MYO16: variants seen among roughly 807,000 people sequenced by gnomAD.
The protein encoded by MYO16 is myosin XVI.
A neutral mutation model predicts 205.3 loss-of-function variants in MYO16; 94 were observed. The observed-to-expected ratio is 0.46, with a 90% CI of 0.39 to 0.54. The LOEUF is 0.54. MYO16 is among the 20% of genes least tolerant of loss of function. The pLI is 0.00. For missense variants in MYO16, 2,315 were observed against 2,387.5 expected, an observed-to-expected ratio of 0.97 and a Z score of 0.63; for synonymous variants, 988 against 954.0, an observed-to-expected ratio of 1.04 and a Z score of -0.66.
At chr13:108,865,807 AAT>A (rs2139124405) in intron 11 of MYO16, among the ~76,000 whole-genome samples, 1 of 152,200 alleles carries the variant, frequency 6.6e-6, no homozygotes, top group Admixed American at 6.5e-5. Context: ...TCTGTAGCAG[AAT>A]AACAGAATTT....
chr13:109,155,077 TG>T, intron 32 of MYO16, among the ~76,000 whole-genome samples: 1 of 152,340 alleles, frequency 6.6e-6, no homozygotes, highest in African/African-American at 2.4e-5. Flanking sequence ...TGTGCATTTT[TG>T]GGTACTGAAA....
At chr13:109,053,247 A>G (rs754396166) in intron 25 of MYO16, among the ~76,000 whole-genome samples, 4 of 152,128 alleles carry the variant, frequency 2.6e-5, no homozygotes, top group Non-Finnish European at 5.9e-5. Flanking sequence ...TTAACTTACC[A>G]ATTAAAATAA....
chr13:108,682,246 G>A (rs1378048886), intron 2 of MYO16, among the ~76,000 whole-genome samples: 2 of 152,196 alleles, frequency 1.3e-5, no homozygotes, highest in Non-Finnish European at 2.9e-5. Flanking sequence ...CATCTCTGTT[G>A]AGAAACATGA....
intron 15 of MYO16, among the ~76,000 whole-genome samples, chr13:108,907,208 A>G (rs759723692): frequency 6.6e-6 from 1 of 152,128 alleles, no homozygotes; most frequent in African/African-American, 2.4e-5. Flanking sequence ...TTTTTTTTAT[A>G]TAATGAACAA....
At chr13:108,559,132 G>C in the MYO16 span, among the ~76,000 whole-genome samples, 1 of 152,134 alleles carries the variant, frequency 6.6e-6, no homozygotes, top group South Asian at 2.1e-4. Context: ...ATGTAATCAA[G>C]TTGAGTTCAT....
At chr13:108,687,024 T>C (rs1882705969) in intron 2 of MYO16, among the ~76,000 whole-genome samples, 1 of 152,206 alleles carries the variant, frequency 6.6e-6, no homozygotes, top group African/African-American at 2.4e-5. Context: ...CAAGTTCAAA[T>C]GGTTCTGCTT....
At chr13:108,949,658 C>T (rs940839122) in intron 16 of MYO16, among the ~76,000 whole-genome samples, 4 of 151,958 alleles carry the variant, frequency 2.6e-5, no homozygotes, top group Admixed American at 6.6e-5. Context: ...TATTAAGACA[C>T]GTATGGAAGC....
chr13:109,047,312 G>A (rs1055864335), intron 24 of MYO16, among the ~76,000 whole-genome samples: 3 of 152,082 alleles, frequency 2.0e-5, no homozygotes, highest in Non-Finnish European at 4.4e-5. Context: ...GGCTTCCAAC[G>A]TTATTTAAGC....
At chr13:108,841,235 C>A (rs1877223830) in intron 9 of MYO16, among the ~76,000 whole-genome samples, 1 of 152,140 alleles carries the variant, frequency 6.6e-6, no homozygotes, top group African/African-American at 2.4e-5. Context: ...ATCAATGAAA[C>A]ACACTAGAGA....
the MYO16 span, among the ~76,000 whole-genome samples, chr13:108,542,340 G>C: frequency 2.0e-5 from 3 of 151,892 alleles, no homozygotes; most frequent in Non-Finnish European, 4.4e-5. Context: ...GGAGAGAGAA[G>C]TTTAGAAAAA....
intron 12 of MYO16, among the ~76,000 whole-genome samples, chr13:108,870,379 G>C (rs1020263842): frequency 3.3e-5 from 5 of 151,724 alleles, no homozygotes; most frequent in African/African-American, 1.2e-4. Flanking sequence ...AATCTTCTAT[G>C]TCAAAATTAT....
At chr13:108,848,238 T>C (rs1386718611) in intron 10 of MYO16, among the ~76,000 whole-genome samples, 2 of 152,200 alleles carry the variant, frequency 1.3e-5, no homozygotes, top group Non-Finnish European at 2.9e-5. Context: ...AGTAGTCTTC[T>C]ACTCCCTGCC....
chr13:108,541,339 A>C, the MYO16 span, among the ~76,000 whole-genome samples: 17 of 151,354 alleles, frequency 1.1e-4, no homozygotes, highest in East Asian at 3.3e-3. Context: ...TAATTCATAG[A>C]TATATGTATA....
At chr13:108,585,094 T>G in the MYO16 span, among the ~76,000 whole-genome samples, 1 of 152,128 alleles carries the variant, frequency 6.6e-6, no homozygotes, top group Non-Finnish European at 1.5e-5. Context: ...ACTCTTAGAT[T>G]TTGTTGACGA....
intron 7 of MYO16, among the ~76,000 whole-genome samples, chr13:108,817,802 T>G (rs1875714469): frequency 6.6e-6 from 1 of 152,224 alleles, no homozygotes; most frequent in Non-Finnish European, 1.5e-5. Flanking sequence ...CCACCAACGT[T>G]TATCAATTGA....
intron 2 of MYO16, among the ~76,000 whole-genome samples, chr13:108,706,343 G>A (rs1364261904): frequency 6.6e-6 from 1 of 152,162 alleles, no homozygotes; most frequent in African/African-American, 2.4e-5. Context: ...GCAAAGAAAG[G>A]CCTAAGAGAT....
intron 4 of MYO16, among the ~76,000 whole-genome samples, chr13:108,760,512 A>G (rs1269826358): frequency 6.6e-6 from 1 of 151,830 alleles, no homozygotes; most frequent in Non-Finnish European, 1.5e-5. Context: ...AATTTCATTT[A>G]CTTGCTGGGG....
the MYO16 span, among the ~76,000 whole-genome samples, chr13:108,519,034 C>G: frequency 3.9e-5 from 6 of 151,992 alleles, no homozygotes; most frequent in African/African-American, 1.5e-4. Context: ...CTTTAAGCAT[C>G]TTGGAATAGA....
the MYO16 span, among the ~76,000 whole-genome samples, chr13:108,554,086 A>G: frequency 2.0e-5 from 3 of 152,086 alleles, no homozygotes; most frequent in Non-Finnish European, 4.4e-5. Flanking sequence ...GTTCTCTGAT[A>G]TTTAGGGCAA....
Sources: allele counts gnomAD v4.1 joint callset (sites outside exome capture counted in the v4.1 genomes callset), GRCh38; gene constraint gnomAD v4.1.1; transcripts MANE v1.5; gene names NCBI Gene and HGNC (gene_info 2026-07-23, HGNC 2026-07-21).